The following RAB33B variants were observed in gnomAD, a reference collection of about 807,000 sequenced individuals.
The protein encoded by RAB33B is RAB33B, member RAS oncogene family.
Under a neutral mutation model 15.0 loss-of-function variants are expected in RAB33B, and 6 were observed. That is an observed-to-expected ratio of 0.40 (90% CI 0.22 to 0.79). The LOEUF (loss-of-function observed/expected upper bound fraction) is 0.79, where lower values mean the gene tolerates loss of function less well. Ranked by LOEUF, RAB33B falls within the 30% of genes least tolerant of loss-of-function variation. The pLI is 0.37. For missense variants in RAB33B, 257 were observed against 296.4 expected (o/e 0.87, Z 0.98); for synonymous variants, 117 against 108.3 (o/e 1.08, Z -0.50).
chr4:139,454,593 A>G (rs1157389617), intron 1 of RAB33B, 149 bp downstream of exon 1: 1 of 894,192 alleles, frequency 1.1e-6, no homozygotes, highest in East Asian at 2.7e-5. Flanking sequence ...AAGGATTGCA[A>G]TACTGCAAAC....
chr4:139,470,671 G>T lies in RAB33B; in HGVS notation c.250-2015G>T, dbSNP rs112651174. Among the ~76,000 whole-genome samples the T allele has an allele frequency of 7.2e-3, 1,089 of 152,302 alleles. 15 individuals are homozygous for T. Among genetic ancestry groups the T allele is most frequent in the African/African-American group, 0.025 (1,035 of 41,554 alleles). On this transcript the variant is annotated intron_variant, in intron 1 of 1. Transcript: ENST00000305626. ...CACTTGCAGTCAGCAAGTCTCAGAG[G>T]TTCACCCAAGACTGTCAATGTAGTG...
In RAB33B at chr4:139,467,308, CTTTTTTTTTTTTT is replaced by C. The variant is rs70943422; in HGVS notation, c.250-5361_250-5349del. On this transcript the variant is annotated intron_variant, in intron 1 of 1. Transcript: ENST00000305626. The stretch of plus-strand genomic sequence containing the variant: ...TCTTTCCCCACCACGCCCCCCGCCG[CTTTTTTTTTTTTT>C]TTTTTTTTTTTTTTTTAAGAGACAG... Among the ~76,000 whole-genome samples, 3 of 17,620 alleles carry C rather than the reference CTTTTTTTTTTTTT, an allele frequency of 1.7e-4. No individual in the cohort carries two copies. The East Asian group carries it at 8.9e-3, about 52-fold the overall frequency. The allele number at this position is 17,620 out of a possible 152,430, so 11.6% of individuals were successfully genotyped here. A position where few individuals can be genotyped will look rare whatever the true frequency, so the allele number is the denominator to read the frequency against.
chr4:139,442,356 T>C, the RAB33B span, among the ~76,000 whole-genome samples: 2 of 152,200 alleles, frequency 1.3e-5, no homozygotes, highest in Admixed American at 6.5e-5. Context: ...AAGAATGGTA[T>C]ATAATCAAAC....
At chr4:139,462,543 C>T (rs1175923398) in intron 1 of RAB33B, among the ~76,000 whole-genome samples, 1 of 152,124 alleles carries the variant, frequency 6.6e-6, no homozygotes, top group Non-Finnish European at 1.5e-5. Flanking sequence ...ATGTAAAAGA[C>T]CATCTATATA....
Position 139,466,961 on chromosome 4 carries a change from CTTTTTTTTTTTTT to C in RAB33B, c.250-5712_250-5700del, listed in dbSNP as rs35504904. Among the ~76,000 whole-genome samples the C allele has an allele frequency of 5.8e-5, 4 of 68,486 alleles. No homozygotes were observed. In the Admixed American group the frequency reaches 8.7e-4, roughly 15 times the overall value. 44.9% of individuals were successfully genotyped at this position (68,486 alleles called of 152,430 possible). On this transcript the variant is annotated intron_variant, in intron 1 of 1. Coordinates refer to ENST00000305626, the MANE Select transcript of RAB33B (RefSeq NM_031296.3). ...TTGATAGTGTCCTTAGAAGCACAAA[CTTTTTTTTTTTTT>C]TTTTTTTTTTTTGAGGCAGGGTCTT...
the RAB33B span, among the ~76,000 whole-genome samples, chr4:139,447,074 C>T: frequency 6.6e-6 from 1 of 152,222 alleles, no homozygotes; most frequent in Non-Finnish European, 1.5e-5. Flanking sequence ...GTCTTATCCA[C>T]TGTCATGGTA....
At chr4:139,439,157 C>G in the RAB33B span, among the ~76,000 whole-genome samples, 4 of 152,112 alleles carry the variant, frequency 2.6e-5, no homozygotes, top group Non-Finnish European at 5.9e-5. Flanking sequence ...CCCACTACCA[C>G]GCACAGCTAA....
At chr4:139,458,474 G>T (rs999159875) in intron 1 of RAB33B, among the ~76,000 whole-genome samples, 3 of 152,134 alleles carry the variant, frequency 2.0e-5, no homozygotes, top group African/African-American at 7.2e-5. Context: ...CCTTCAGGAG[G>T]CTCCAGTGTG....
intron 1 of RAB33B, among the ~76,000 whole-genome samples, chr4:139,456,416 G>A (rs938120307): frequency 2.0e-5 from 3 of 152,154 alleles, no homozygotes; most frequent in Non-Finnish European, 4.4e-5. Flanking sequence ...AGATGAATCA[G>A]GTGCAAATTT....
intron 1 of RAB33B, among the ~76,000 whole-genome samples, chr4:139,466,141 G>T (rs150155129): frequency 6.6e-6 from 1 of 152,118 alleles, no homozygotes; most frequent in African/African-American, 2.4e-5. Flanking sequence ...CATTGCACCC[G>T]GCCTGGGGTT....
At chr4:139,440,474 T>A in the RAB33B span, among the ~76,000 whole-genome samples, 7 of 152,192 alleles carry the variant, frequency 4.6e-5, no homozygotes, top group African/African-American at 1.7e-4. Context: ...TCTAACGTTT[T>A]GAGGACAATG....
intron 1 of RAB33B, among the ~76,000 whole-genome samples, chr4:139,463,967 A>G (rs1267720600): frequency 6.6e-6 from 1 of 152,192 alleles, no homozygotes; most frequent in Non-Finnish European, 1.5e-5. Context: ...TTATGGCTCT[A>G]CAGTAAAGTG....
chr4:139,461,534 A>T (rs191535272), intron 1 of RAB33B, among the ~76,000 whole-genome samples: 1 of 152,212 alleles, frequency 6.6e-6, no homozygotes, highest in Non-Finnish European at 1.5e-5. Context: ...TGGAGTATAC[A>T]TGGAATGTGC....
rs1579185689 is a variant in RAB33B, at chr4:139,475,931, CTTTG to C, written c.*2810_*2813del. 2 of 151,944 alleles carry C rather than the reference CTTTG, an allele frequency of 1.3e-5. No individual in the cohort carries two copies. The highest frequency in any genetic ancestry group is 4.1e-4 in the South Asian group (2 of 4,830). The allele number at this position is 151,944 out of a possible 1,614,324, so 9.4% of individuals were successfully genotyped here. ...CCACAAAGAAATTGTGTTTTATTTTCTTTGTTTGGTTACTGGGTAGAGTATAAAA... is the reference window on the plus strand; with the variant it reads ...CCACAAAGAAATTGTGTTTTATTTTCTTTGGTTACTGGGTAGAGTATAAAA... On this transcript the variant is annotated 3_prime_UTR_variant, in exon 2 of 2. Transcript: ENST00000305626.
chr4:139,453,217 T>A (rs1749968355), upstream of RAB33B: 1 of 152,238 alleles, frequency 6.6e-6, no homozygotes, highest in Non-Finnish European at 1.5e-5. Context: ...CGCTCCCAGG[T>A]GGCCGACATG....
At chr4:139,455,922 A>G (rs985800890) in intron 1 of RAB33B, among the ~76,000 whole-genome samples, 1 of 152,222 alleles carries the variant, frequency 6.6e-6, no homozygotes, top group Admixed American at 6.5e-5. Context: ...AACTTTGCCC[A>G]AGACTGTCCA....
intron 1 of RAB33B, among the ~76,000 whole-genome samples, chr4:139,460,367 G>A (rs1750150348): frequency 6.6e-6 from 1 of 152,206 alleles, no homozygotes; most frequent in African/African-American, 2.4e-5. Context: ...AGAACAAAAT[G>A]TAGCTAACAT....
chr4:139,472,745 C>T lies in RAB33B; in HGVS notation c.309C>T (p.Tyr103=). ...ERFRKSMVQH[Y]YRNVHAVVFV... ...TCAGAAAGAGCATGGTTCAGCACTA[C>T]TACAGAAATGTACATGCTGTTGTCT... The change falls in exon 2 of 2, where the codon TAC becomes TAT. Residue 103 remains tyrosine (Y), a synonymous_variant. Transcript: ENST00000305626. 1 of 1,613,928 alleles carries T rather than the reference C, an allele frequency of 6.2e-7. No homozygotes were observed. Among genetic ancestry groups the T allele is most frequent in the Non-Finnish European group, 8.5e-7 (1 of 1,179,776 alleles).
the RAB33B span, among the ~76,000 whole-genome samples, chr4:139,446,417 G>A: frequency 1.3e-5 from 2 of 152,186 alleles, no homozygotes; most frequent in African/African-American, 2.4e-5. Flanking sequence ...ACCTAGTTGT[G>A]CACTTTGTAT....
Sources: gnomAD v4.1 joint callset for allele counts (sites outside exome capture counted in the v4.1 genomes callset) on GRCh38, gnomAD v4.1.1 for gene constraint, MANE v1.5 for transcripts, NCBI Gene and HGNC (gene_info 2026-07-23, HGNC 2026-07-21) for gene names.